The following RHBDL1 variants were observed in gnomAD, a reference collection of about 807,000 sequenced individuals.
RHBDL1 encodes the protein rhomboid-related protein 1.
A neutral mutation model predicts 34.0 loss-of-function variants in RHBDL1; 21 were observed. The observed-to-expected ratio is 0.62, with a 90% CI of 0.44 to 0.89. The LOEUF (loss-of-function observed/expected upper bound fraction) is 0.89, where lower values mean the gene tolerates loss of function less well. RHBDL1 is among the 40% of genes least tolerant of loss of function. The pLI is 0.00. For missense variants in RHBDL1, 450 were observed against 530.6 expected (o/e 0.85, Z 1.49); for synonymous variants, 268 against 234.8 (o/e 1.14, Z -1.29).
rs975908986 is a variant in RHBDL1, at chr16:676,600, G to C, written c.202-72G>C. Reference sequence around the variant, plus strand: ...TGGGTGGGGGGCTTGTGGATGCGGGGAGCTGGGTGAGCCTCACAGGCAGGG... The same window carrying C: ...TGGGTGGGGGGCTTGTGGATGCGGGCAGCTGGGTGAGCCTCACAGGCAGGG... On this transcript the variant is annotated intron_variant, in intron 2 of 7. Coordinates refer to ENST00000352681, the MANE Select transcript of RHBDL1 (RefSeq NM_001278720.2). The surrounding 1 kb of genome is among the most constrained non-coding windows in gnomAD (Gnocchi z 6.9). 1 of 1,584,696 alleles carries C rather than the reference G, an allele frequency of 6.3e-7. No individual in the cohort carries two copies. Among genetic ancestry groups the C allele is most frequent in the African/African-American group, 1.3e-5 (1 of 74,390 alleles).
Position 677,481 on chromosome 16 carries a change from C to G in RHBDL1, c.711C>G (p.Thr237=). 1 of 1,608,298 alleles carries G rather than the reference C, an allele frequency of 6.2e-7. No individual in the cohort carries two copies. The highest frequency in any genetic ancestry group is 8.5e-7 in the Non-Finnish European group (1 of 1,179,546). Residue 237 remains threonine (T), a synonymous_variant, in exon 6 of 8, where the codon ACC becomes ACG. Transcript: ENST00000352681. ...VLAGSLTVSI[T]DMRAPVVGGS... ...CAGGCTCCCTAACCGTCTCCATCACCGACATGCGGGCCCCGGTGGTGGGAG... is the reference window on the plus strand; with the variant it reads ...CAGGCTCCCTAACCGTCTCCATCACGGACATGCGGGCCCCGGTGGTGGGAG...
rs764279309 is a variant in RHBDL1, at chr16:676,273, C to T, written c.40-63C>T. On this transcript the variant is annotated intron_variant, in intron 1 of 7. Coordinates refer to ENST00000352681, the MANE Select transcript of RHBDL1 (RefSeq NM_001278720.2). This position sits in a 1 kb window ranked among gnomAD's most constrained non-coding sequence, Gnocchi z 6.9. ...GCCTGATGCTCCCAGCCAGCCTGGC[C>T]CAGCCCTTTGGTCCAGGGGTCGGGC... The T allele has an allele frequency of 2.2e-5, 35 of 1,576,442 alleles. No individual in the cohort carries two copies. Among genetic ancestry groups the T allele is most frequent in the Non-Finnish European group, 2.9e-5 (34 of 1,161,584 alleles).
rs571050303 is a variant in RHBDL1 at position 676,551 on chromosome 16, C to A, written c.201+54C>A. On this transcript the variant is annotated intron_variant, in intron 2 of 7. Transcript: ENST00000352681. This position sits in a 1 kb window ranked among gnomAD's most constrained non-coding sequence, Gnocchi z 6.9. ...GGCACGGTGTCCTGGCCAGAGGAGG[C>A]GGGCAGGCAGCTCCTCACGGCGGTG... 3.1e-5 allele frequency: 49 copies of A among 1,565,966 alleles called. No homozygotes were observed. Among genetic ancestry groups the A allele is most frequent in the Non-Finnish European group, 4.2e-5 (49 of 1,159,534 alleles).
In RHBDL1 at chr16:676,034, G is replaced by A; in HGVS notation, c.39+205G>A. The A allele has an allele frequency of 2.3e-6, 3 of 1,314,366 alleles. No individual in the cohort carries two copies. The highest frequency in any genetic ancestry group is 5.7e-5 in the East Asian group (2 of 35,256). 81.4% of individuals were successfully genotyped at this position (1,314,366 alleles called of 1,614,324 possible). A position where few individuals can be genotyped will look rare whatever the true frequency, so the allele number is the denominator to read the frequency against. On this transcript the variant is annotated intron_variant, in intron 1 of 7. Coordinates refer to ENST00000352681, the MANE Select transcript of RHBDL1 (RefSeq NM_001278720.2). This position sits in a 1 kb window ranked among gnomAD's most constrained non-coding sequence, Gnocchi z 6.9. ...TGGCTGGAGAAGGGAGAGTCGGGGG[G>A]AGGGAGGGAGGGAGGGAGGGAGGGC... is the stretch of plus-strand genomic sequence containing the variant.
In RHBDL1 at chr16:675,787, C is replaced by T. The variant is rs1427900271; in HGVS notation, c.-4C>T. 1.3e-5 allele frequency: 20 copies of T among 1,493,748 alleles called. No homozygotes were observed. The highest frequency in any genetic ancestry group is 1.8e-5 in the Non-Finnish European group (20 of 1,124,964). 92.5% of individuals were successfully genotyped at this position (1,493,748 alleles called of 1,614,324 possible). A position where few individuals can be genotyped will look rare whatever the true frequency, so the allele number is the denominator to read the frequency against. On this transcript the variant is annotated 5_prime_UTR_variant, in exon 1 of 8. Transcript: ENST00000352681. ...CCCCGGACCCCGGCCCCCGGCCAGG[C>T]TCTATGGACAGGAGCTCGCTGCTGC... is the stretch of plus-strand genomic sequence containing the variant.
rs2039549720 is a variant in RHBDL1, at chr16:676,656, A to G, written c.202-16A>G. ...ATGGGGAGGTCCGTGGCCCACACTC[A>G]GGCCCCTGCCCCCAGATCAGCAGCA... is the stretch of plus-strand genomic sequence containing the variant. On this transcript the variant is annotated splice_polypyrimidine_tract_variant and intron_variant, in intron 2 of 7. Coordinates refer to ENST00000352681, the MANE Select transcript of RHBDL1 (RefSeq NM_001278720.2). The surrounding 1 kb of genome is among the most constrained non-coding windows in gnomAD (Gnocchi z 6.9). The G allele has an allele frequency of 1.2e-6, 2 of 1,608,818 alleles. No homozygotes were observed. Among genetic ancestry groups the G allele is most frequent in the Non-Finnish European group, 1.7e-6 (2 of 1,178,762 alleles).
In RHBDL1 at chr16:676,152, C is replaced by T. The variant is rs765448333; in HGVS notation, c.40-184C>T. ...CAACTGAGGAGCTGGAGGACTGGGA[C>T]CCAGGCACCAGTGCCCTGCCAGCTC... is the stretch of plus-strand genomic sequence containing the variant. On this transcript the variant is annotated intron_variant, in intron 1 of 7. Coordinates refer to ENST00000352681, the MANE Select transcript of RHBDL1 (RefSeq NM_001278720.2). This position sits in a 1 kb window ranked among gnomAD's most constrained non-coding sequence, Gnocchi z 6.9. 6.8e-7 allele frequency: 1 copy of T among 1,472,326 alleles called. No individual in the cohort carries two copies. Among genetic ancestry groups the T allele is most frequent in the East Asian group, 2.5e-5 (1 of 40,126 alleles). 91.2% of individuals were successfully genotyped at this position (1,472,326 alleles called of 1,614,324 possible). A position where few individuals can be genotyped will look rare whatever the true frequency, so the allele number is the denominator to read the frequency against.
In RHBDL1 at chr16:676,130, C is replaced by T. The variant is rs567134901; in HGVS notation, c.40-206C>T. On this transcript the variant is annotated intron_variant, in intron 1 of 7. Transcript: ENST00000352681. The surrounding 1 kb of genome is among the most constrained non-coding windows in gnomAD (Gnocchi z 6.9). ...GGTAGGGTGGAAGACGGGGGAACAA[C>T]TGAGGAGCTGGAGGACTGGGACCCA... is the stretch of plus-strand genomic sequence containing the variant. The T allele has an allele frequency of 2.7e-6, 4 of 1,462,346 alleles. No homozygotes were observed. The highest frequency in any genetic ancestry group is 2.5e-4 in the Middle Eastern group (1 of 3,988). The allele number at this position is 1,462,346 out of a possible 1,614,324, so 90.6% of individuals were successfully genotyped here.
chr16:676,367 G>A lies in RHBDL1; in HGVS notation c.71G>A (p.Gly24Asp), dbSNP rs566759044. 4 of 1,610,270 alleles carry A rather than the reference G, an allele frequency of 2.5e-6. No individual in the cohort carries two copies. Among genetic ancestry groups the A allele is most frequent in the Non-Finnish European group, 3.4e-6 (4 of 1,179,284 alleles). Residue 24 changes from glycine (G) to aspartate (D), a missense_variant, in exon 2 of 8, where the codon GGT (glycine) becomes GAT (aspartate). Coordinates refer to ENST00000352681, the MANE Select transcript of RHBDL1 (RefSeq NM_001278720.2). This position sits in a 1 kb window ranked among gnomAD's most constrained non-coding sequence, Gnocchi z 6.9. ...GACCCCGAGAACACAGGCTTCATCG[G>A]TGCGGACACCTTCACTGGCCTGGTG... The part of the protein sequence containing the change: ...QLDPENTGFI[G>D]ADTFTGLVHS...
Position 675,761 on chromosome 16 carries a change from AC to A in RHBDL1, c.-26del. 2.8e-6 allele frequency: 4 copies of A among 1,438,268 alleles called. No homozygotes were observed. The highest frequency in any genetic ancestry group is 3.0e-5 in the East Asian group (1 of 33,674). The allele number at this position is 1,438,268 out of a possible 1,614,324, so 89.1% of individuals were successfully genotyped here. A position where few individuals can be genotyped will look rare whatever the true frequency, so the allele number is the denominator to read the frequency against. On this transcript the variant is annotated 5_prime_UTR_variant, in exon 1 of 8. Coordinates refer to ENST00000352681, the MANE Select transcript of RHBDL1 (RefSeq NM_001278720.2). ...CAGCCCCTCCCGGCCGCGGCCGCCG[AC>A]CCCGGACCCCGGCCCCCGGCCAGGC...
chr16:675,779 C>G lies in RHBDL1; in HGVS notation c.-12C>G, dbSNP rs758404227. The G allele has an allele frequency of 4.8e-6, 7 of 1,464,712 alleles. No homozygotes were observed. Among genetic ancestry groups the G allele is most frequent in the South Asian group, 4.0e-5 (3 of 75,660 alleles). The allele number at this position is 1,464,712 out of a possible 1,614,324, so 90.7% of individuals were successfully genotyped here. A position where few individuals can be genotyped will look rare whatever the true frequency, so the allele number is the denominator to read the frequency against. ...GCCGCCGACCCCGGACCCCGGCCCC[C>G]GGCCAGGCTCTATGGACAGGAGCTC... On this transcript the variant is annotated 5_prime_UTR_variant, in exon 1 of 8. Transcript: ENST00000352681.
At position 676,944 on chromosome 16, in the gene RHBDL1, T is replaced by C. The variant is rs376482331; in HGVS notation, c.427-27T>C. 23 of 1,611,330 alleles carry C rather than the reference T, an allele frequency of 1.4e-5. No homozygotes were observed. Among genetic ancestry groups the C allele is most frequent in the Non-Finnish European group, 1.9e-5 (22 of 1,179,006 alleles). ...CGGGAGCCTCCCGCGCTCCTGGCCA[T>C]GACCAGCCTAACACTCGTGTCCCCA... On this transcript the variant is annotated intron_variant, in intron 3 of 7. Coordinates refer to ENST00000352681, the MANE Select transcript of RHBDL1 (RefSeq NM_001278720.2). This position sits in a 1 kb window ranked among gnomAD's most constrained non-coding sequence, Gnocchi z 6.9.
At position 676,888 on chromosome 16, in the gene RHBDL1, C is replaced by T; in HGVS notation, c.418C>T (p.Leu140Phe). The stretch of plus-strand genomic sequence containing the variant: ...CCCCGTGTTCATGGCCTCGGTCACT[C>T]TTGCCCAGGTGGGCCCCCCGGCCGC... The part of the protein sequence containing the change: ...PPPVFMASVT[L>F]AQIIVFLCYG... Residue 140 changes from leucine (L) to phenylalanine (F), a missense_variant, in exon 3 of 8, where the codon CTT (leucine) becomes TTT (phenylalanine). Leu to Phe is a conservative substitution (Grantham distance 22). Transcript: ENST00000352681. The surrounding 1 kb of genome is among the most constrained non-coding windows in gnomAD (Gnocchi z 6.9). The T allele has an allele frequency of 6.2e-7, 1 of 1,611,976 alleles. No individual in the cohort carries two copies. The highest frequency in any genetic ancestry group is 1.1e-5 in the South Asian group (1 of 91,030).
rs1278622059 is a variant in RHBDL1, at chr16:677,312, G to A, written c.612G>A (p.Leu204=). 6.4e-7 allele frequency: 1 copy of A among 1,572,180 alleles called. No homozygotes were observed. The highest frequency in any genetic ancestry group is 2.4e-5 in the East Asian group (1 of 42,150). Residue 204 remains leucine (L), a synonymous_variant, in exon 5 of 8, where the codon CTG becomes CTA. Transcript: ENST00000352681. The stretch of plus-strand genomic sequence containing the variant: ...TGGGGTTCAACGCCCTCCTGCAGCT[G>A]ATGATCGGGGTGCCCCTGGAGATGG... ...EQLGFNALLQ[L]MIGVPLEMVH... is the part of the protein sequence containing the mutation.
In RHBDL1 at chr16:676,850, G is replaced by A. The variant is rs192716116; in HGVS notation, c.380G>A (p.Arg127His). ...VDRRWYFYRH[R>H]SCPPPVFMAS... ...CGCCGCTGGTACTTCTACCGTCACC[G>A]CAGCTGCCCACCCCCCGTGTTCATG... Residue 127 changes from arginine (R) to histidine (H), a missense_variant, in exon 3 of 8, where the codon CGC (arginine) becomes CAC (histidine). By Grantham distance (29) the Arg-to-His change is conservative. Coordinates refer to ENST00000352681, the MANE Select transcript of RHBDL1 (RefSeq NM_001278720.2). The surrounding 1 kb of genome is among the most constrained non-coding windows in gnomAD (Gnocchi z 6.9). 2.3e-5 allele frequency: 37 copies of A among 1,611,836 alleles called. No homozygotes were observed. Among genetic ancestry groups the A allele is most frequent in the Admixed American group, 1.3e-4 (8 of 59,924 alleles).
Position 678,091 on chromosome 16 carries a change from G to A in RHBDL1, c.*39G>A. 1.3e-6 allele frequency: 2 copies of A among 1,499,764 alleles called. No homozygotes were observed. The highest frequency in any genetic ancestry group is 1.3e-5 in the South Asian group (1 of 76,036). The allele number at this position is 1,499,764 out of a possible 1,614,324, so 92.9% of individuals were successfully genotyped here. A position where few individuals can be genotyped will look rare whatever the true frequency, so the allele number is the denominator to read the frequency against. ...GCTGCACAGGCCAGGGCTCGGGCAT[G>A]TGGTGGCCGCCCACCAGGGGCCTTC... On this transcript the variant is annotated 3_prime_UTR_variant, in exon 8 of 8. Transcript: ENST00000352681.
Position 676,398 on chromosome 16 carries a change from C to T in RHBDL1, c.102C>T (p.Ser34=), listed in dbSNP as rs1347656759. 4 of 1,608,816 alleles carry T rather than the reference C, an allele frequency of 2.5e-6. No homozygotes were observed. In the South Asian group the frequency reaches 4.4e-5, roughly 18 times the overall value. Reference sequence around the variant, plus strand: ...ACACCTTCACTGGCCTGGTGCACAGCCATGAGCTGCCCCTGGACCCGGCCA... The same window carrying T: ...ACACCTTCACTGGCCTGGTGCACAGTCATGAGCTGCCCCTGGACCCGGCCA... ...GADTFTGLVH[S]HELPLDPAKL... Residue 34 remains serine (S), a synonymous_variant, in exon 2 of 8, where the codon AGC becomes AGT. Coordinates refer to ENST00000352681, the MANE Select transcript of RHBDL1 (RefSeq NM_001278720.2). This position sits in a 1 kb window ranked among gnomAD's most constrained non-coding sequence, Gnocchi z 6.9.
rs941991777 is a variant in RHBDL1 at position 676,899 on chromosome 16, G to A, written c.426+3G>A. 25 of 1,611,278 alleles carry A rather than the reference G, an allele frequency of 1.6e-5. No homozygotes were observed. Among genetic ancestry groups the A allele is most frequent in the Non-Finnish European group, 2.0e-5 (23 of 1,179,310 alleles). ...TGGCCTCGGTCACTCTTGCCCAGGT[G>A]GGCCCCCCGGCCGCTGCCCCGGGAG... On this transcript the variant is annotated splice_donor_region_variant and intron_variant, in intron 3 of 7. Transcript: ENST00000352681. This position sits in a 1 kb window ranked among gnomAD's most constrained non-coding sequence, Gnocchi z 6.9.
chr16:677,824 G>A lies in RHBDL1; in HGVS notation c.894G>A (p.Pro298=), dbSNP rs779412942. 19 of 1,577,036 alleles carry A rather than the reference G, an allele frequency of 1.2e-5. No individual in the cohort carries two copies. The highest frequency in any genetic ancestry group is 6.7e-5 in the African/African-American group (5 of 74,174). Residue 298 remains proline (P), a synonymous_variant, in exon 8 of 8, where the codon CCG becomes CCA. Transcript: ENST00000352681. ...VGRAVWLRFS[P]PLPASGPQPS... Reference sequence around the variant, plus strand: ...GGGCCGTGTGGCTGCGCTTCTCCCCGCCGCTGCCCGCCTCGGGCCCACAGC... The same window carrying A: ...GGGCCGTGTGGCTGCGCTTCTCCCCACCGCTGCCCGCCTCGGGCCCACAGC...
Sources: gnomAD v4.1 joint callset for allele counts on GRCh38, gnomAD v4.1.1 for gene constraint, Gnocchi (gnomAD v3.1) non-coding constraint, MANE v1.5 for transcripts, NCBI Gene and HGNC (gene_info 2026-07-23, HGNC 2026-07-21) for gene names.